DNMBP: variants seen among roughly 807,000 people sequenced by gnomAD.
DNMBP encodes dynamin-binding protein.
DNMBP carries 87 observed loss-of-function variants against 150.0 expected under a neutral mutation model. The ratio of observed to expected loss-of-function variants is 0.58; its 90% confidence interval spans 0.49 to 0.69. DNMBP has a LOEUF of 0.69. Ranked by LOEUF, DNMBP falls within the 30% of genes least tolerant of loss-of-function variation. DNMBP has a pLI of 0.00. For synonymous variants in DNMBP, 711 were observed against 750.4 expected (o/e 0.95, Z 0.86); for missense variants, 1,774 against 1,949.0 (o/e 0.91, Z 1.69).
chr10:100,007,475 G>A (rs1589459024), intron 1 of DNMBP, among the ~76,000 whole-genome samples: 1 of 152,094 alleles, frequency 6.6e-6, no homozygotes, highest in East Asian at 1.9e-4. Flanking sequence ...GCACACACAG[G>A]TGCTCAGTGA....
At chr10:99,935,917 C>T (rs2040225214) in intron 4 of DNMBP, among the ~76,000 whole-genome samples, 1 of 152,030 alleles carries the variant, frequency 6.6e-6, no homozygotes, top group Admixed American at 6.6e-5. Flanking sequence ...AAAAGATAAC[C>T]CGGTTTTCCA....
At chr10:99,939,025 T>C (rs2040264898) in intron 4 of DNMBP, among the ~76,000 whole-genome samples, 1 of 151,836 alleles carries the variant, frequency 6.6e-6, no homozygotes, top group African/African-American at 2.4e-5. Flanking sequence ...CTGCCACCTA[T>C]TCTAGAAGTG....
At chr10:99,936,515 C>CTT (rs34804787) in intron 4 of DNMBP, among the ~76,000 whole-genome samples, 5 of 134,354 alleles carry the variant, frequency 3.7e-5, no homozygotes, top group South Asian at 2.4e-4. Flanking sequence ...TTTCTTTTTT[C>CTT]TTTTTTTTTT....
At chr10:99,902,619 TAAAAAAAA>T (rs559947538) in intron 6 of DNMBP, among the ~76,000 whole-genome samples, 1 of 125,208 alleles carries the variant, frequency 8.0e-6, no homozygotes, top group Admixed American at 8.3e-5. Context: ...TGCCTCCCTT[TAAAAAAAA>T]AAAAAAAAAA....
Position 99,877,350 on chromosome 10 carries a change from A to G in DNMBP, c.4549-14T>C. 2 of 1,590,054 alleles carry G rather than the reference A, an allele frequency of 1.3e-6. No individual in the cohort carries two copies. Among genetic ancestry groups the G allele is most frequent in the African/African-American group, 1.3e-5 (1 of 74,162 alleles). ...AGCAAAATAGACCTGTGTGAGGGAGAGAGAGAAAATGGGAAATTGCTGGGA... is the reference window on the plus strand; with the variant it reads ...AGCAAAATAGACCTGTGTGAGGGAGGGAGAGAAAATGGGAAATTGCTGGGA... On this transcript the variant is annotated splice_polypyrimidine_tract_variant and intron_variant, in intron 16 of 16. Coordinates refer to ENST00000324109, the MANE Select transcript of DNMBP (RefSeq NM_015221.4).
intron 4 of DNMBP, among the ~76,000 whole-genome samples, chr10:99,921,334 C>T (rs767271453): frequency 9.9e-5 from 15 of 152,192 alleles, no homozygotes; most frequent in Non-Finnish European, 2.2e-4. Flanking sequence ...TTCACCTCTT[C>T]GGCAACAGGT....
intron 1 of DNMBP, among the ~76,000 whole-genome samples, chr10:100,005,444 T>C (rs2041057532): frequency 6.6e-6 from 1 of 151,992 alleles, no homozygotes; most frequent in Non-Finnish European, 1.5e-5. Context: ...CATAACAATA[T>C]GGATGGATCT....
At position 99,908,243 on chromosome 10, in the gene DNMBP, T is replaced by G. The variant is rs76213375; in HGVS notation, c.2455-149A>C. ...TCATGAAGTTTCCAGACTAGAAATA[T>G]CCAACATTATCTTTAGTGTCATCCT... On this transcript the variant is annotated intron_variant, in intron 5 of 16. Transcript: ENST00000324109. 9.2e-4 allele frequency: 578 copies of G among 627,996 alleles called. 5 individuals carry two copies. The East Asian group carries it at 0.014, about 15-fold the overall frequency. 38.9% of individuals were successfully genotyped at this position (627,996 alleles called of 1,614,324 possible).
intron 4 of DNMBP, among the ~76,000 whole-genome samples, chr10:99,915,289 C>G (rs749524204): frequency 2.0e-5 from 3 of 150,260 alleles, no homozygotes; most frequent in Non-Finnish European, 3.0e-5. Flanking sequence ...GGAAAACACA[C>G]GAAATTCATC....
chr10:99,988,642 AATTTT>A (rs2040852918), intron 1 of DNMBP, among the ~76,000 whole-genome samples: 2 of 151,906 alleles, frequency 1.3e-5, no homozygotes. Flanking sequence ...TATCTCTGAC[AATTTT>A]ATTTTTATTT....
intron 1 of DNMBP, among the ~76,000 whole-genome samples, chr10:100,000,959 A>G (rs897741441): frequency 5.4e-5 from 8 of 149,390 alleles, no homozygotes; most frequent in South Asian, 2.2e-4. Flanking sequence ...AGAGCCGGGC[A>G]CGGTGGCTCA....
intron 6 of DNMBP, among the ~76,000 whole-genome samples, chr10:99,904,161 G>A (rs1306261910): frequency 6.6e-6 from 1 of 152,140 alleles, no homozygotes; most frequent in East Asian, 1.9e-4. Context: ...AGGCTGAGGT[G>A]GGAGGATCGC....
chr10:99,956,207 T>G lies in DNMBP; in HGVS notation c.1267A>C (p.Asn423His), dbSNP rs1169931937. The part of the protein sequence containing the change: ...SSQPQVPFHP[N>H]LQKSQYYSTV... ...GAATAATACTGGCTTTTCTGCAAGT[T>G]GGGATGAAAAGGGACCTGAGGTTGG... The change falls in exon 4 of 17, where the codon AAC (asparagine) becomes CAC (histidine). Residue 423 changes from asparagine to histidine, a missense_variant. Physicochemically the swap from Asn to His is moderately conservative, Grantham distance 68 (BLOSUM62 1). Transcript: ENST00000324109. 3 of 1,613,842 alleles carry G rather than the reference T, an allele frequency of 1.9e-6. No homozygotes were observed. The highest frequency in any genetic ancestry group is 2.5e-6 in the Non-Finnish European group (3 of 1,180,010).
chr10:99,934,193 A>G lies in DNMBP; in HGVS notation c.2260+21021T>C, dbSNP rs535834482. 1.5e-4 allele frequency among the ~76,000 whole-genome samples: 23 copies of G among 152,316 alleles called. No homozygotes were observed. In the East Asian group the frequency reaches 4.4e-3, roughly 29 times the overall value. ...TTGGGCACCTCTCTCTAAGTCTAAA[A>G]TCTTAGGTGCTGTATAGTATATAAA... On this transcript the variant is annotated intron_variant, in intron 4 of 16. Transcript: ENST00000324109.
chr10:99,987,291 AGGAGCTAG>A (rs2040838643), intron 1 of DNMBP, among the ~76,000 whole-genome samples: 1 of 152,176 alleles, frequency 6.6e-6, no homozygotes, highest in Admixed American at 6.5e-5. Flanking sequence ...ACTTGAGGCT[AGGAGCTAG>A]AAACCAGCCT....
At chr10:99,883,638 CAAAAA>C (rs71009782) in intron 15 of DNMBP, among the ~76,000 whole-genome samples, 1,340 of 65,534 alleles carry the variant, frequency 0.02, 4 homozygotes, top group African/African-American at 0.039. Context: ...AAGACTGCCA[CAAAAA>C]AAAAAAAAAA....
chr10:99,927,384 C>T (rs535171541), intron 4 of DNMBP: 3 of 152,146 alleles, frequency 2.0e-5, no homozygotes, highest in East Asian at 1.9e-4. Context: ...TACTATGTTC[C>T]GGATATGTGA....
intron 4 of DNMBP, among the ~76,000 whole-genome samples, chr10:99,941,526 T>C (rs942496387): frequency 7.9e-5 from 12 of 151,754 alleles, no homozygotes; most frequent in African/African-American, 2.9e-4. Context: ...TGGAGTGCAA[T>C]GGCACGATCT....
chr10:99,919,113 C>A (rs1295328833), intron 4 of DNMBP, among the ~76,000 whole-genome samples: 1 of 152,140 alleles, frequency 6.6e-6, no homozygotes, highest in African/African-American at 2.4e-5. Flanking sequence ...TCACGTTTTA[C>A]AAATGAGGAA....
Sources: allele counts gnomAD v4.1 joint callset (sites outside exome capture counted in the v4.1 genomes callset), GRCh38; gene constraint gnomAD v4.1.1; transcripts MANE v1.5; gene names NCBI Gene and HGNC (gene_info 2026-07-23, HGNC 2026-07-21).